The following CHSY1 variants were observed in gnomAD, a reference collection of about 807,000 sequenced individuals.
CHSY1 encodes N-acetylgalactosaminyl-proteoglycan 3-beta-glucuronosyltransferase 1.
CHSY1 carries 13 observed loss-of-function variants against 59.8 expected under a neutral mutation model. The ratio of observed to expected loss-of-function variants is 0.22; its 90% confidence interval spans 0.14 to 0.35. The LOEUF (loss-of-function observed/expected upper bound fraction) is 0.35. CHSY1 is among the 10% of genes least tolerant of loss of function. CHSY1 has a pLI of 1.00. For synonymous variants in CHSY1, 459 were observed against 401.2 expected (o/e 1.14, Z -1.72); for missense variants, 947 against 1,030.6 (o/e 0.92, Z 1.11).
At position 101,178,190 on chromosome 15, in the gene CHSY1, A is replaced by G; in HGVS notation, c.1607T>C (p.Ile536Thr). 6.2e-7 allele frequency: 1 copy of G among 1,614,204 alleles called. No individual in the cohort carries two copies. The highest frequency in any genetic ancestry group is 1.6e-4 in the Middle Eastern group (1 of 6,062). Reference protein sequence around the residue: ...HKEPKDKKINILIPLSGRFDM... With the variant: ...HKEPKDKKINTLIPLSGRFDM... ...GAAACGCCCAGACAAAGGAATCAGT[A>G]TGTTTATCTTTTTATCTTTGGGTTC... The change falls in exon 3 of 3, where the codon ATA becomes ACA. Residue 536 changes from isoleucine to threonine, a missense_variant. Ile to Thr is a moderately conservative substitution (Grantham distance 89). Coordinates refer to ENST00000254190, the MANE Select transcript of CHSY1 (RefSeq NM_014918.5).
At chr15:101,248,720 A>C (rs2039075349) in intron 1 of CHSY1, among the ~76,000 whole-genome samples, 1 of 152,280 alleles carries the variant, frequency 6.6e-6, no homozygotes, top group Middle Eastern at 3.2e-3. Context: ...AAGAGCGTTA[A>C]GCTCGAGTTT....
chr15:101,177,340 A>G lies in CHSY1; in HGVS notation c.*48T>C, dbSNP rs1356489643. 6.3e-7 allele frequency: 1 copy of G among 1,575,714 alleles called. No individual in the cohort carries two copies. The highest frequency in any genetic ancestry group is 8.6e-7 in the Non-Finnish European group (1 of 1,165,508). On this transcript the variant is annotated 3_prime_UTR_variant, in exon 3 of 3. Coordinates refer to ENST00000254190, the MANE Select transcript of CHSY1 (RefSeq NM_014918.5). ...AAACTGATCATACAAAAAATTTTTG[A>G]AAAATAAATTAGATAATTAAAAACG...
intron 2 of CHSY1, among the ~76,000 whole-genome samples, chr15:101,218,953 T>C (rs939410287): frequency 6.6e-6 from 1 of 152,210 alleles, no homozygotes; most frequent in African/African-American, 2.4e-5. Flanking sequence ...AAAGGTATAG[T>C]GCAGTATCAT....
intron 2 of CHSY1, among the ~76,000 whole-genome samples, chr15:101,183,683 C>T (rs755547493): frequency 2.0e-5 from 3 of 152,242 alleles, no homozygotes; most frequent in Non-Finnish European, 2.9e-5. Flanking sequence ...AGGCACCACA[C>T]GGACAGCCCT....
At position 101,193,431 on chromosome 15, in the gene CHSY1, GCTCTTTCAGAA is replaced by G. The variant is rs1477534789; in HGVS notation, c.817-14462_817-14452del. 6.6e-5 allele frequency among the ~76,000 whole-genome samples: 10 copies of G among 152,308 alleles called. No individual in the cohort carries two copies. The East Asian group carries it at 1.9e-3, about 29-fold the overall frequency. On this transcript the variant is annotated intron_variant, in intron 2 of 2. Transcript: ENST00000254190. ...TGGAGCAGACTGAAGAATACGCTGT[GCTCTTTCAGAA>G]CATTCATTTCTTCCCCTGGGCAAGG...
At chr15:101,211,558 G>A (rs1567097378) in intron 2 of CHSY1, among the ~76,000 whole-genome samples, 1 of 152,084 alleles carries the variant, frequency 6.6e-6, no homozygotes. Flanking sequence ...AAAAATAATG[G>A]CTGAGAAATT....
chr15:101,242,318 G>A (rs1162341298), intron 1 of CHSY1, among the ~76,000 whole-genome samples: 1 of 152,230 alleles, frequency 6.6e-6, no homozygotes, highest in Non-Finnish European at 1.5e-5. Context: ...CTCAGTGAGA[G>A]CACTCTCAGG....
At chr15:101,183,259 C>T (rs1028664347) in intron 2 of CHSY1, among the ~76,000 whole-genome samples, 3 of 152,080 alleles carry the variant, frequency 2.0e-5, no homozygotes, top group African/African-American at 7.2e-5. Context: ...AGTCAGGTGC[C>T]TGGGTTAAAC....
chr15:101,213,523 T>C (rs945534832), intron 2 of CHSY1, among the ~76,000 whole-genome samples: 1 of 152,208 alleles, frequency 6.6e-6, no homozygotes, highest in African/African-American at 2.4e-5. Context: ...AGACTGAATA[T>C]TCTAAGATTA....
intron 2 of CHSY1, among the ~76,000 whole-genome samples, chr15:101,197,881 G>A (rs144261818): frequency 1.7e-3 from 252 of 152,220 alleles, no homozygotes; most frequent in African/African-American, 5.4e-3. Context: ...AGAATTCCGC[G>A]AGTGGTATTT....
chr15:101,192,658 G>T (rs968719432), intron 2 of CHSY1, among the ~76,000 whole-genome samples: 2 of 151,716 alleles, frequency 1.3e-5, no homozygotes, highest in African/African-American at 4.9e-5. Flanking sequence ...AGTTCTAAAC[G>T]CCTCCCTCGT....
At chr15:101,205,939 G>C (rs1229235225) in intron 2 of CHSY1, among the ~76,000 whole-genome samples, 2 of 151,368 alleles carry the variant, frequency 1.3e-5, no homozygotes, top group Non-Finnish European at 2.9e-5. Flanking sequence ...GCGAAAGAGA[G>C]AGACTCCGTC....
chr15:101,210,434 C>T (rs1369988896), intron 2 of CHSY1, among the ~76,000 whole-genome samples: 1 of 152,158 alleles, frequency 6.6e-6, no homozygotes, highest in African/African-American at 2.4e-5. Flanking sequence ...TAGATGGATA[C>T]TGGAAAAGTA....
intron 2 of CHSY1, among the ~76,000 whole-genome samples, chr15:101,222,523 G>A (rs963962163): frequency 6.6e-6 from 1 of 152,140 alleles, no homozygotes; most frequent in Non-Finnish European, 1.5e-5. Context: ...GATTTCACCA[G>A]TTTTCCCACT....
Position 101,251,142 on chromosome 15 carries a change from G to A in CHSY1, c.315C>T (p.Ala105=), listed in dbSNP as rs761436326. 5 of 1,585,810 alleles carry A rather than the reference G, an allele frequency of 3.2e-6. No individual in the cohort carries two copies. Among genetic ancestry groups the A allele is most frequent in the Non-Finnish European group, 4.3e-6 (5 of 1,170,428 alleles). Residue 105 remains alanine, a synonymous_variant, in exon 1 of 3, where the codon GCC becomes GCT. Coordinates refer to ENST00000254190, the MANE Select transcript of CHSY1 (RefSeq NM_014918.5). Reference sequence around the variant, plus strand: ...CCCGGGGAGCAGGGGCTCACCTGTAGGCGGCCACGGCCCGAGTCTGCAGGT... The same window carrying A: ...CCCGGGGAGCAGGGGCTCACCTGTAAGCGGCCACGGCCCGAGTCTGCAGGT... ...QKYLQTRAVA[A]YRTWSKTIPG...
In CHSY1 at chr15:101,251,493, G is replaced by GC. The variant is rs1596459244; in HGVS notation, c.-38dup. The GC allele has an allele frequency of 6.2e-5, 3 of 48,440 alleles. No homozygotes were observed. The highest frequency in any genetic ancestry group is 8.3e-4 in the South Asian group (1 of 1,202). 3.0% of individuals were successfully genotyped at this position (48,440 alleles called of 1,614,324 possible). On this transcript the variant is annotated 5_prime_UTR_variant, in exon 1 of 3. Transcript: ENST00000254190. ...TCCGCCCGCCGGGCCGCCGCCGCAG[G>GC]CTCCGCGCGCCCTCAGCCCGCTGCC...
At chr15:101,187,484 A>T (rs2141244524) in intron 2 of CHSY1, 1 of 150,460 alleles carries the variant, frequency 6.6e-6, no homozygotes, top group African/African-American at 2.4e-5. Flanking sequence ...ATCTCAAAAA[A>T]GAAAACAAAC....
At chr15:101,249,175 T>C (rs1244533925) in intron 1 of CHSY1, among the ~76,000 whole-genome samples, 1 of 151,960 alleles carries the variant, frequency 6.6e-6, no homozygotes, top group Non-Finnish European at 1.5e-5. Flanking sequence ...ACCGTAACCA[T>C]GAAAATGTAT....
In CHSY1 at chr15:101,178,743, C is replaced by T. The variant is rs2038233382; in HGVS notation, c.1054G>A (p.Glu352Lys). 1.2e-6 allele frequency: 2 copies of T among 1,614,222 alleles called. No homozygotes were observed. The highest frequency in any genetic ancestry group is 1.7e-6 in the Non-Finnish European group (2 of 1,180,052). Reference protein sequence around the residue: ...SKYSNTEIHKEDLQLGIPPSF... With the variant: ...SKYSNTEIHKKDLQLGIPPSF... ...GGAGGGATTCCCAGCTGGAGGTCCT[C>T]TTTATGAATTTCTGTGTTGCTGTAT... Residue 352 changes from glutamate to lysine, a missense_variant, in exon 3 of 3, where the codon GAG becomes AAG. Physicochemically the swap from Glu to Lys is moderately conservative, Grantham distance 56. Coordinates refer to ENST00000254190, the MANE Select transcript of CHSY1 (RefSeq NM_014918.5).
Sources: allele counts gnomAD v4.1 joint callset (sites outside exome capture counted in the v4.1 genomes callset), GRCh38; gene constraint gnomAD v4.1.1; transcripts MANE v1.5; gene names NCBI Gene and HGNC (gene_info 2026-07-23, HGNC 2026-07-21).